The following CWH43 variants were observed in gnomAD, a reference collection of about 807,000 sequenced individuals.
CWH43 encodes PGAP2-interacting protein.
In CWH43, 91 loss-of-function variants were observed where a neutral mutation model predicts 85.7. That is an observed-to-expected ratio of 1.06 (90% confidence interval 0.90 to 1.26). The LOEUF is 1.26. Ranked by LOEUF, CWH43 falls within the 50% of genes most tolerant of loss-of-function variation. The pLI, the probability that CWH43 is intolerant of heterozygous loss-of-function variation, is 0.00. For synonymous variants in CWH43, 323 were observed against 293.6 expected (o/e 1.10, Z -1.02); for missense variants, 869 against 839.2 (o/e 1.04, Z -0.44).
At chr4:49,006,372 A>C (rs575255458) in intron 7 of CWH43, among the ~76,000 whole-genome samples, 81 of 152,350 alleles carry the variant, frequency 5.3e-4, no homozygotes, top group Admixed American at 2.2e-3. Flanking sequence ...TGATGAGGCC[A>C]CAAAAGCCAA....
intron 8 of CWH43, among the ~76,000 whole-genome samples, chr4:49,012,020 G>T (rs1203265522): frequency 3.3e-5 from 5 of 152,122 alleles, no homozygotes. Flanking sequence ...ATGTTGGCTT[G>T]CCTTGCTAGG....
intron 15 of CWH43, among the ~76,000 whole-genome samples, chr4:49,051,918 T>C (rs1323328083): frequency 6.6e-6 from 1 of 152,134 alleles, no homozygotes; most frequent in Non-Finnish European, 1.5e-5. Context: ...CAGCAAAACA[T>C]ATGAGTTGGA....
chr4:49,046,557 G>A (rs531218527), intron 14 of CWH43, among the ~76,000 whole-genome samples: 55 of 152,240 alleles, frequency 3.6e-4, no homozygotes, highest in African/African-American at 1.2e-3. Flanking sequence ...GGCAGGGTGT[G>A]TGGGGGTGGC....
chr4:49,021,415 C>CT (rs974739151), intron 9 of CWH43, among the ~76,000 whole-genome samples: 12 of 152,068 alleles, frequency 7.9e-5, no homozygotes, highest in African/African-American at 1.4e-4. Flanking sequence ...GTCTATATGC[C>CT]TTTTTTTATA....
chr4:49,025,288 A>T (rs1308039831), intron 9 of CWH43, among the ~76,000 whole-genome samples: 2 of 149,994 alleles, frequency 1.3e-5, no homozygotes. Flanking sequence ...TTTAAGTCTG[A>T]CTTTACCTTT....
chr4:49,013,884 A>C (rs1174419881), intron 8 of CWH43, among the ~76,000 whole-genome samples: 1 of 152,200 alleles, frequency 6.6e-6, no homozygotes, highest in African/African-American at 2.4e-5. Context: ...TCAATATAGT[A>C]AACTCATGTA....
chr4:49,048,970 ATACT>A (rs925317546), intron 14 of CWH43, among the ~76,000 whole-genome samples: 1 of 152,182 alleles, frequency 6.6e-6, no homozygotes, highest in Non-Finnish European at 1.5e-5. Context: ...TGCTTAATAA[ATACT>A]TATTGGACAA....
chr4:49,019,071 T>A (rs1006193185), intron 9 of CWH43, among the ~76,000 whole-genome samples: 2 of 152,228 alleles, frequency 1.3e-5, no homozygotes, highest in African/African-American at 4.8e-5. Flanking sequence ...TTCATTTGGC[T>A]AATGATTACC....
intron 8 of CWH43, among the ~76,000 whole-genome samples, chr4:49,008,124 C>A (rs1783227074): frequency 6.6e-6 from 1 of 152,194 alleles, no homozygotes; most frequent in Admixed American, 6.5e-5. Context: ...CATATCCTCT[C>A]CAGCATCTGT....
rs1051014194 is a variant in CWH43, at chr4:49,062,013, G to T, written c.*123G>T. The T allele has an allele frequency of 8.6e-6, 6 of 697,492 alleles. No homozygotes were observed. In the East Asian group the frequency reaches 1.3e-4, roughly 15 times the overall value. 43.2% of individuals were successfully genotyped at this position (697,492 alleles called of 1,614,324 possible). A position where few individuals can be genotyped will look rare whatever the true frequency, so the allele number is the denominator to read the frequency against. On this transcript the variant is annotated 3_prime_UTR_variant, in exon 16 of 16. Transcript: ENST00000226432. The stretch of plus-strand genomic sequence containing the variant: ...AGAACCTCAACTTAAAAAACACATG[G>T]TATCTATGCAGTGGGAAATTACCTC...
intron 13 of CWH43, among the ~76,000 whole-genome samples, chr4:49,039,219 C>A (rs1248355178): frequency 3.6e-5 from 5 of 138,528 alleles, no homozygotes; most frequent in Middle Eastern, 3.3e-3. Flanking sequence ...TCTACCTTTT[C>A]AGGTCTGAAA....
intron 13 of CWH43, among the ~76,000 whole-genome samples, chr4:49,044,460 G>A (rs564670633): frequency 1.3e-5 from 2 of 152,300 alleles, no homozygotes; most frequent in East Asian, 3.9e-4. Flanking sequence ...GGTGCAGTCA[G>A]TGCTGCTGGG....
chr4:49,013,041 C>T (rs948816198), intron 8 of CWH43, among the ~76,000 whole-genome samples: 15 of 152,210 alleles, frequency 9.9e-5, no homozygotes, highest in South Asian at 2.1e-4. Flanking sequence ...CAGACAGGGA[C>T]GTTTAAGTCT....
At chr4:49,016,549 C>G in intron 8 of CWH43, 2 of 674,398 alleles carry the variant, frequency 3.0e-6, no homozygotes, top group South Asian at 2.7e-5. Flanking sequence ...AAGGGATTGG[C>G]CTGGTCTCAA....
At chr4:49,047,084 G>A (rs2768966) in intron 14 of CWH43, among the ~76,000 whole-genome samples, 88,538 of 152,102 alleles carry the variant, frequency 0.58, 28,920 homozygotes, top group Admixed American at 0.75. Flanking sequence ...AGGGGCCGAC[G>A]TTAATGGATC....
At chr4:49,050,888 T>G (rs1784771292) in intron 15 of CWH43, 39 bp downstream of exon 15, 1 of 1,476,886 alleles carries the variant, frequency 6.8e-7, no homozygotes, top group African/African-American at 1.4e-5. Context: ...TATGAGCTAC[T>G]GCATCCCTCT....
intron 8 of CWH43, among the ~76,000 whole-genome samples, chr4:49,011,561 C>T (rs1403870439): frequency 1.8e-4 from 27 of 152,224 alleles, no homozygotes; most frequent in African/African-American, 4.1e-4. Context: ...ATAGCATCGA[C>T]GGTCCTTACA....
chr4:49,053,608 T>G (rs1784863573), intron 15 of CWH43, among the ~76,000 whole-genome samples: 3 of 152,204 alleles, frequency 2.0e-5, no homozygotes, highest in African/African-American at 7.2e-5. Context: ...ATTTTTCATG[T>G]CCTTTGCTCA....
intron 9 of CWH43, among the ~76,000 whole-genome samples, chr4:49,022,085 A>G (rs1316702074): frequency 6.6e-6 from 1 of 152,092 alleles, no homozygotes; most frequent in Non-Finnish European, 1.5e-5. Flanking sequence ...TTTCAGTACT[A>G]TGTTGAATAT....
Sources: allele counts gnomAD v4.1 joint callset (sites outside exome capture counted in the v4.1 genomes callset), GRCh38; gene constraint gnomAD v4.1.1; transcripts MANE v1.5; gene names NCBI Gene and HGNC (gene_info 2026-07-23, HGNC 2026-07-21).